Variants in DYNLT2B observed in about 807,000 individuals in gnomAD.
DYNLT2B encodes the protein dynein light chain Tctex-type protein 2B.
Under a neutral mutation model 19.5 loss-of-function variants are expected in DYNLT2B, and 14 were observed. That is an observed-to-expected ratio of 0.72 (90% CI 0.47 to 1.12). DYNLT2B has a LOEUF of 1.12. DYNLT2B is among the 50% of genes most tolerant of loss of function. The pLI is 0.00. For synonymous variants in DYNLT2B, 70 were observed against 59.7 expected (o/e 1.17, Z -0.79); for missense variants, 133 against 174.7 (o/e 0.76, Z 1.35).
intron 3 of DYNLT2B, 193 bp from the exon 4 acceptor site, chr3:196,296,262 G>A: frequency 1.9e-6 from 1 of 529,208 alleles, no homozygotes. Flanking sequence ...ACTAGAGTCA[G>A]ATGAAGCTGC....
rs141869621 is a variant in DYNLT2B at position 196,298,334 on chromosome 3, A to G, written c.318-2265T>C. The G allele has an allele frequency of 1.5e-4, 23 of 156,776 alleles. No homozygotes were observed. The East Asian group carries it at 4.2e-3, about 29-fold the overall frequency. The allele number at this position is 156,776 out of a possible 1,614,324, so 9.7% of individuals were successfully genotyped here. Reference sequence around the variant, plus strand: ...ATTTATATTTTATTTTTATTTTTTGAGAGGGAGTCTCACTCTGTCAACCAG... The same window carrying G: ...ATTTATATTTTATTTTTATTTTTTGGGAGGGAGTCTCACTCTGTCAACCAG... On this transcript the variant is annotated intron_variant, in intron 3 of 4. Coordinates refer to ENST00000325318, the MANE Select transcript of DYNLT2B (RefSeq NM_152773.5).
At chr3:196,303,862 G>A (rs142764232) in intron 3 of DYNLT2B, among the ~76,000 whole-genome samples, 1 of 152,244 alleles carries the variant, frequency 6.6e-6, no homozygotes, top group African/African-American at 2.4e-5. Context: ...CTATGTAGAT[G>A]TTAACCATAG....
At chr3:196,312,897 T>C (rs937642270) in intron 2 of DYNLT2B, among the ~76,000 whole-genome samples, 2 of 152,234 alleles carry the variant, frequency 1.3e-5, no homozygotes, top group East Asian at 1.9e-4. Flanking sequence ...TAAGGAACTC[T>C]TCCCAGCTAA....
intron 3 of DYNLT2B, among the ~76,000 whole-genome samples, chr3:196,297,560 A>C (rs184533932): frequency 6.6e-6 from 1 of 152,268 alleles, no homozygotes; most frequent in Admixed American, 6.5e-5. Flanking sequence ...TAAGTGAAAA[A>C]AAAATTACAA....
intron 2 of DYNLT2B, among the ~76,000 whole-genome samples, chr3:196,314,785 C>T (rs1309825828): frequency 6.6e-6 from 1 of 151,974 alleles, no homozygotes; most frequent in Non-Finnish European, 1.5e-5. Flanking sequence ...CACACCACTG[C>T]ACTCCACCCT....
At chr3:196,310,221 C>T (rs1184196613) in intron 2 of DYNLT2B, among the ~76,000 whole-genome samples, 1 of 151,902 alleles carries the variant, frequency 6.6e-6, no homozygotes, top group African/African-American at 2.4e-5. Context: ...CATGCTTCAG[C>T]CTCCCAAGTA....
intron 4 of DYNLT2B, among the ~76,000 whole-genome samples, chr3:196,294,125 G>A (rs1686500199): frequency 6.6e-6 from 1 of 152,014 alleles, no homozygotes; most frequent in South Asian, 2.1e-4. Context: ...GCCGAGGCGG[G>A]CCGATCACCT....
intron 1 of DYNLT2B, among the ~76,000 whole-genome samples, chr3:196,316,890 A>AGTGTGTGTGTGTGTGTGTGTGTGTGTGT (rs377469506): frequency 4.0e-5 from 3 of 74,198 alleles, no homozygotes; most frequent in African/African-American, 1.6e-4. Context: ...CATTTTTTTC[A>AGTGTGTGTGTGTGTGTGTGTGTGTGTGT]GTGTGTGTGT....
chr3:196,301,700 G>A (rs1726359692), intron 3 of DYNLT2B, among the ~76,000 whole-genome samples: 1 of 151,914 alleles, frequency 6.6e-6, no homozygotes, highest in Non-Finnish European at 1.5e-5. Flanking sequence ...GTGACAGAGT[G>A]AGACTCTGTC....
chr3:196,301,263 A>G (rs1450016983), intron 3 of DYNLT2B, among the ~76,000 whole-genome samples: 2 of 152,230 alleles, frequency 1.3e-5, no homozygotes, highest in Non-Finnish European at 1.5e-5. Context: ...GAAGAAAATA[A>G]TATCATCTGG....
At position 196,318,230 on chromosome 3, in the gene DYNLT2B, G is replaced by C; in HGVS notation, c.-78C>G. The C allele has an allele frequency of 1.2e-6, 1 of 800,092 alleles. No homozygotes were observed. The highest frequency in any genetic ancestry group is 3.4e-5 in the East Asian group (1 of 29,028). 49.6% of individuals were successfully genotyped at this position (800,092 alleles called of 1,614,324 possible). ...GGTCGCGGCCGGCAGCAGGGAAAGC[G>C]TCTCCAGGGCAACAGGGCCGCCCTC... On this transcript the variant is annotated 5_prime_UTR_variant, in exon 1 of 5. Coordinates refer to ENST00000325318, the MANE Select transcript of DYNLT2B (RefSeq NM_152773.5).
At position 196,318,002 on chromosome 3, in the gene DYNLT2B, G is replaced by A. The variant is rs201496014; in HGVS notation, c.113+38C>T. ...CGAGCTCCGCCCCTCAGACCAGCGCGCTCGAGGTCGCCCCGCCACAGCCCG... is the reference window on the plus strand; with the variant it reads ...CGAGCTCCGCCCCTCAGACCAGCGCACTCGAGGTCGCCCCGCCACAGCCCG... On this transcript the variant is annotated intron_variant, in intron 1 of 4. Coordinates refer to ENST00000325318, the MANE Select transcript of DYNLT2B (RefSeq NM_152773.5). The A allele has an allele frequency of 4.5e-5, 60 of 1,326,788 alleles. No homozygotes were observed. The East Asian group carries it at 1.7e-3, about 38-fold the overall frequency. 82.2% of individuals were successfully genotyped at this position (1,326,788 alleles called of 1,614,324 possible). A position where few individuals can be genotyped will look rare whatever the true frequency, so the allele number is the denominator to read the frequency against.
intron 2 of DYNLT2B, among the ~76,000 whole-genome samples, chr3:196,307,769 TAAAG>T (rs1726529888): frequency 6.6e-6 from 1 of 150,524 alleles, no homozygotes; most frequent in South Asian, 2.1e-4. Context: ...CTCACAGTAA[TAAAG>T]AACTCAAAGG....
chr3:196,309,544 C>T (rs1345092205), intron 2 of DYNLT2B, among the ~76,000 whole-genome samples: 3 of 151,494 alleles, frequency 2.0e-5, no homozygotes, highest in Non-Finnish European at 2.9e-5. Context: ...GGATTACGGA[C>T]GTGAGCCACC....
chr3:196,296,224 CAG>C (rs2108790620), intron 3 of DYNLT2B, 155 bp from the exon 4 acceptor site: 1 of 644,478 alleles, frequency 1.6e-6, no homozygotes, highest in East Asian at 2.8e-5. Context: ...GTATTTGTAC[CAG>C]AGAGTATACT....
chr3:196,308,139 A>G (rs1158029430), intron 2 of DYNLT2B, among the ~76,000 whole-genome samples: 1 of 152,024 alleles, frequency 6.6e-6, no homozygotes, highest in African/African-American at 2.4e-5. Flanking sequence ...TATGCTTATA[A>G]TTCAAGGAGT....
intron 4 of DYNLT2B, among the ~76,000 whole-genome samples, 163 bp downstream of exon 4, chr3:196,295,843 T>C (rs1040661070): frequency 2.6e-5 from 4 of 152,360 alleles, no homozygotes; most frequent in African/African-American, 9.6e-5. Flanking sequence ...ACTCTAGGTT[T>C]CTGCTTTAGT....
chr3:196,307,452 A>G (rs1424604578), intron 2 of DYNLT2B, among the ~76,000 whole-genome samples: 1 of 152,014 alleles, frequency 6.6e-6, no homozygotes, highest in East Asian at 1.9e-4. Flanking sequence ...ACAGGTATGC[A>G]TCACCACACC....
At chr3:196,296,146 T>C in intron 3 of DYNLT2B, 77 bp from the exon 4 acceptor site, 2 of 1,202,094 alleles carry the variant, frequency 1.7e-6, no homozygotes, top group Non-Finnish European at 1.2e-6. Context: ...CGAGAAACAG[T>C]GTTCCTTAAT....
Sources: gnomAD v4.1 joint callset for allele counts (sites outside exome capture counted in the v4.1 genomes callset) on GRCh38, gnomAD v4.1.1 for gene constraint, MANE v1.5 for transcripts, NCBI Gene and HGNC (gene_info 2026-07-23, HGNC 2026-07-21) for gene names.